Variants in NPAS3 observed in about 807,000 individuals in gnomAD.
NPAS3 encodes the protein neuronal PAS domain-containing protein 3.
NPAS3 carries 14 observed loss-of-function variants against 73.1 expected under a neutral mutation model. The observed-to-expected ratio is 0.19, with a 90% CI of 0.13 to 0.30. The LOEUF is 0.30. Among genes scored for constraint, NPAS3 ranks in the 10% least tolerant of loss-of-function variants. The pLI, the probability that NPAS3 is intolerant of heterozygous loss-of-function variation, is 1.00. For missense variants in NPAS3, 1,096 were observed against 1,250.0 expected, an observed-to-expected ratio of 0.88 and a Z score of 1.86; for synonymous variants, 620 against 541.5, an observed-to-expected ratio of 1.14 and a Z score of -2.01.
At chr14:33,424,136 G>A (rs943064995) in intron 4 of NPAS3, among the ~76,000 whole-genome samples, 2 of 108,858 alleles carry the variant, frequency 1.8e-5, no homozygotes, top group Non-Finnish European at 4.2e-5. Flanking sequence ...ACTTGGCCTG[G>A]TTTGAAAGGT....
At chr14:33,561,069 C>T (rs1426802105) in intron 5 of NPAS3, among the ~76,000 whole-genome samples, 1 of 152,168 alleles carries the variant, frequency 6.6e-6, no homozygotes, top group Non-Finnish European at 1.5e-5. Flanking sequence ...AAAACACTGC[C>T]TCAGTGGGAG....
At chr14:33,704,009 C>T (rs2060591404) in intron 6 of NPAS3, among the ~76,000 whole-genome samples, 1 of 152,214 alleles carries the variant, frequency 6.6e-6, no homozygotes, top group African/African-American at 2.4e-5. Context: ...AGTTATTTTA[C>T]TTTCTAAGCC....
At chr14:33,540,198 T>C (rs1416535711) in intron 4 of NPAS3, among the ~76,000 whole-genome samples, 1 of 152,238 alleles carries the variant, frequency 6.6e-6, no homozygotes, top group Non-Finnish European at 1.5e-5. Flanking sequence ...AGCAATTTTT[T>C]CATTTCCTTT....
At chr14:33,026,687 C>A (rs570949653) in intron 1 of NPAS3, among the ~76,000 whole-genome samples, 1 of 152,142 alleles carries the variant, frequency 6.6e-6, no homozygotes, top group African/African-American at 2.4e-5. Flanking sequence ...ACTCTTCCTT[C>A]CAATTCATTC....
chr14:33,794,770 G>C (rs1320036435), intron 10 of NPAS3, among the ~76,000 whole-genome samples: 1 of 152,096 alleles, frequency 6.6e-6, no homozygotes, highest in Non-Finnish European at 1.5e-5. Flanking sequence ...TCTACATTCT[G>C]CCTTTGGATT....
intron 2 of NPAS3, among the ~76,000 whole-genome samples, chr14:33,143,289 C>T (rs1416094866): frequency 3.3e-5 from 5 of 152,222 alleles, no homozygotes; most frequent in South Asian, 2.1e-4. Flanking sequence ...GTCAGGCGTT[C>T]GAGACCAGCC....
chr14:33,677,987 G>A (rs1244818008), intron 6 of NPAS3, among the ~76,000 whole-genome samples: 1 of 152,108 alleles, frequency 6.6e-6, no homozygotes, highest in Non-Finnish European at 1.5e-5. Flanking sequence ...TGATGTTGGA[G>A]AACCTCTTCC....
intron 3 of NPAS3, among the ~76,000 whole-genome samples, chr14:33,337,998 G>A (rs1342583346): frequency 1.3e-5 from 2 of 148,378 alleles, no homozygotes; most frequent in Admixed American, 6.7e-5. Context: ...TTTTTTTAAT[G>A]TATAGGAGCA....
chr14:33,576,959 A>C (rs1413109261), intron 5 of NPAS3, among the ~76,000 whole-genome samples: 1 of 152,208 alleles, frequency 6.6e-6, no homozygotes, highest in Admixed American at 6.5e-5. Flanking sequence ...AATGGGTTGG[A>C]GGAAAATAAG....
chr14:33,630,917 T>A (rs537369987), intron 5 of NPAS3, among the ~76,000 whole-genome samples: 1 of 152,328 alleles, frequency 6.6e-6, no homozygotes, highest in African/African-American at 2.4e-5. Flanking sequence ...AATTCAATAT[T>A]TGTAGAAAGA....
rs534945632 is a variant in NPAS3 at position 33,547,193 on chromosome 14, C to G, written c.469-12928C>G. On this transcript the variant is annotated intron_variant, in intron 4 of 11. Coordinates refer to ENST00000356141, the Ensembl canonical transcript of NPAS3. ...CAGTTTGAGTCTTTAAGGACTCAGT[C>G]CTTTAGGGGAAGTCACTTTTCAGGC... is the stretch of plus-strand genomic sequence containing the variant. Among the ~76,000 whole-genome samples, 5 of 152,204 alleles carry G rather than the reference C, an allele frequency of 3.3e-5. No individual in the cohort carries two copies. The East Asian group carries it at 9.7e-4, about 29-fold the overall frequency.
rs145943702 is a variant in NPAS3 at position 32,994,699 on chromosome 14, T to C, written c.50+55333T>C. On this transcript the variant is annotated intron_variant, in intron 1 of 11. Coordinates refer to ENST00000356141, the Ensembl canonical transcript of NPAS3. ...TAGGCTGTAGTGCAGTGGCATGATC[T>C]CAGCTCACTGTAACCTCCACCTCCC... Among the ~76,000 whole-genome samples, 728 of 150,608 alleles carry C rather than the reference T, an allele frequency of 4.8e-3. 3 individuals are homozygous for C. The highest frequency in any genetic ancestry group is 0.017 in the African/African-American group (675 of 40,740).
chr14:33,409,822 T>C (rs2047839445), intron 4 of NPAS3, among the ~76,000 whole-genome samples: 1 of 152,204 alleles, frequency 6.6e-6, no homozygotes, highest in Non-Finnish European at 1.5e-5. Flanking sequence ...CATTGTTTCC[T>C]ACCATAATTG....
chr14:33,381,609 C>T (rs146784362), intron 4 of NPAS3, among the ~76,000 whole-genome samples: 2 of 152,172 alleles, frequency 1.3e-5, no homozygotes, highest in East Asian at 3.9e-4. Flanking sequence ...CTAGCTAGCA[C>T]AGCTGGGATT....
At chr14:33,477,275 G>A (rs1266146889) in intron 4 of NPAS3, among the ~76,000 whole-genome samples, 2 of 152,108 alleles carry the variant, frequency 1.3e-5, no homozygotes, top group Admixed American at 1.3e-4. Context: ...CCAAACTGTG[G>A]ACACATTAGA....
intron 7 of NPAS3, among the ~76,000 whole-genome samples, chr14:33,742,495 A>T (rs1421675142): frequency 6.6e-6 from 1 of 152,238 alleles, no homozygotes; most frequent in Non-Finnish European, 1.5e-5. Flanking sequence ...GAATGTGCAT[A>T]TCTTAATTTA....
At chr14:33,130,433 T>C (rs1278873594) in intron 2 of NPAS3, among the ~76,000 whole-genome samples, 1 of 152,158 alleles carries the variant, frequency 6.6e-6, no homozygotes, top group African/African-American at 2.4e-5. Flanking sequence ...TATTTTTCCT[T>C]TCCCTGAATG....
intron 6 of NPAS3, among the ~76,000 whole-genome samples, chr14:33,698,275 T>C (rs985943399): frequency 2.6e-5 from 4 of 152,230 alleles, no homozygotes; most frequent in African/African-American, 9.6e-5. Flanking sequence ...AGAAGATAAA[T>C]ATTAAATGTT....
intron 4 of NPAS3, among the ~76,000 whole-genome samples, chr14:33,552,107 G>A (rs1051648695): frequency 3.9e-5 from 6 of 152,148 alleles, no homozygotes; most frequent in Non-Finnish European, 8.8e-5. Flanking sequence ...GGCTGTCCTG[G>A]GCTTGATGTA....
Sources: gnomAD v4.1 joint callset for allele counts (sites outside exome capture counted in the v4.1 genomes callset) on GRCh38, gnomAD v4.1.1 for gene constraint, MANE v1.5 for transcripts, NCBI Gene and HGNC (gene_info 2026-07-23, HGNC 2026-07-21) for gene names.